Variants in PPFIA3 observed in about 807,000 individuals in gnomAD.
PPFIA3 encodes the protein liprin-alpha-3.
PPFIA3 carries 26 observed loss-of-function variants against 145.8 expected under a neutral mutation model. The observed-to-expected ratio is 0.18, with a 90% CI of 0.13 to 0.25. The LOEUF is 0.25. PPFIA3 is among the 10% of genes least tolerant of loss of function. The pLI is 1.00. For synonymous variants in PPFIA3, 645 were observed against 661.4 expected, an observed-to-expected ratio of 0.98 and a Z score of 0.38; for missense variants, 1,008 against 1,587.8, an observed-to-expected ratio of 0.63 and a Z score of 6.21.
chr19:49,145,179 G>A (rs527742883), intron 21 of PPFIA3, among the ~76,000 whole-genome samples: 2 of 151,922 alleles, frequency 1.3e-5, no homozygotes, highest in Admixed American at 6.6e-5. Flanking sequence ...TGATCCACCC[G>A]CCTCTGCCTC....
intron 24 of PPFIA3, 63 bp from the exon 25 acceptor site, chr19:49,148,603 G>C: frequency 7.6e-7 from 1 of 1,319,618 alleles, no homozygotes; most frequent in South Asian, 1.2e-5. Flanking sequence ...GGAGGGACCC[G>C]TAGGAGCAGC....
chr19:49,137,018 C>A, intron 15 of PPFIA3, 107 bp downstream of exon 15: 1 of 1,098,048 alleles, frequency 9.1e-7, no homozygotes, highest in Non-Finnish European at 1.2e-6. Context: ...CTTACACCAT[C>A]CACAAGGAAT....
At position 49,130,323 on chromosome 19, in the gene PPFIA3, C is replaced by T; in HGVS notation, c.658-55C>T. The stretch of plus-strand genomic sequence containing the variant: ...GCTGATTGACTTTCTCCTTGGATTT[C>T]CTCTGTGTCTCCGGAGACACTCTGG... On this transcript the variant is annotated intron_variant, in intron 6 of 29. Coordinates refer to ENST00000334186, the MANE Select transcript of PPFIA3 (RefSeq NM_003660.4). The surrounding 1 kb of genome is among the most constrained non-coding windows in gnomAD (Gnocchi z 4.5). 1 of 1,467,132 alleles carries T rather than the reference C, an allele frequency of 6.8e-7. No individual in the cohort carries two copies. Among genetic ancestry groups the T allele is most frequent in the Non-Finnish European group, 9.2e-7 (1 of 1,082,988 alleles). The allele number at this position is 1,467,132 out of a possible 1,614,324, so 90.9% of individuals were successfully genotyped here. A position where few individuals can be genotyped will look rare whatever the true frequency, so the allele number is the denominator to read the frequency against.
rs199896512 is a variant in PPFIA3, at chr19:49,148,700, C to T, written c.3046C>T (p.Arg1016Trp). 5 of 1,614,028 alleles carry T rather than the reference C, an allele frequency of 3.1e-6. No individual in the cohort carries two copies. The highest frequency in any genetic ancestry group is 1.3e-5 in the African/African-American group (1 of 75,022). Residue 1016 changes from arginine (R) to tryptophan (W), a missense_variant, in exon 25 of 30, where the codon CGG (arginine) becomes TGG (tryptophan). Arg to Trp is a moderately radical substitution (Grantham distance 101, BLOSUM62 -3). Coordinates refer to ENST00000334186, the MANE Select transcript of PPFIA3 (RefSeq NM_003660.4). The stretch of plus-strand genomic sequence containing the variant: ...ACATTATGGGATTATGTGCCTGAAA[C>T]GGCTCAACTATGACCGGAAGGACCT... ...SLHYGIMCLK[R>W]LNYDRKDLER...
At chr19:49,134,249 A>C in intron 11 of PPFIA3, 84 bp downstream of exon 11, 1 of 1,510,644 alleles carries the variant, frequency 6.6e-7, no homozygotes, top group South Asian at 1.3e-5. Context: ...CCTTTCCCTC[A>C]GATCTGTTAT....
chr19:49,136,006 G>A (rs1311997893), intron 14 of PPFIA3, 83 bp downstream of exon 14: 21 of 1,390,732 alleles, frequency 1.5e-5, no homozygotes, highest in Admixed American at 5.8e-5. Flanking sequence ...GTGGGGCTCC[G>A]GGAGGAAGCT....
At chr19:49,127,080 CAAA>C (rs11304397) in intron 1 of PPFIA3, among the ~76,000 whole-genome samples, 1 of 69,860 alleles carries the variant, frequency 1.4e-5, no homozygotes, top group Admixed American at 1.7e-4. Flanking sequence ...CTCATCTCCA[CAAA>C]AAAAAAAAAA....
chr19:49,135,702 G>T (rs778050475), intron 13 of PPFIA3, 77 bp from the exon 14 acceptor site: 16 of 1,449,102 alleles, frequency 1.1e-5, no homozygotes, highest in Non-Finnish European at 1.3e-5. Flanking sequence ...CCTGGCCCTA[G>T]GTCTGTCTCT....
At chr19:49,135,080 C>T (rs963530109) in intron 13 of PPFIA3, among the ~76,000 whole-genome samples, 165 bp downstream of exon 13, 2 of 151,944 alleles carry the variant, frequency 1.3e-5, no homozygotes, top group African/African-American at 4.8e-5. Flanking sequence ...CTCACTCTGT[C>T]GCCCAGGCTG....
At chr19:49,129,519 G>A in intron 5 of PPFIA3, 65 bp downstream of exon 5, 1 of 1,514,262 alleles carries the variant, frequency 6.6e-7, no homozygotes, top group East Asian at 2.5e-5. Flanking sequence ...TGCCCACGGG[G>A]CGGAGCCGGT....
At chr19:49,147,288 A>G (rs4566285) in intron 23 of PPFIA3, among the ~76,000 whole-genome samples, 131,316 of 152,102 alleles carry the variant, frequency 0.86, 56,820 homozygotes, top group East Asian at 0.98. Context: ...GGGGTGGCAC[A>G]CACCTGTAGT....
At position 49,130,537 on chromosome 19, in the gene PPFIA3, G is replaced by A. The variant is rs1013294744; in HGVS notation, c.817G>A (p.Ala273Thr). 1.3e-6 allele frequency: 2 copies of A among 1,580,260 alleles called. No individual in the cohort carries two copies. Among genetic ancestry groups the A allele is most frequent in the Non-Finnish European group, 1.7e-6 (2 of 1,164,014 alleles). ...CCAGCTGGAGGAGGAGTTGGGCACCGCGCACCGTGAGCTGGGCAAGGCAGA... is the reference window on the plus strand; with the variant it reads ...CCAGCTGGAGGAGGAGTTGGGCACCACGCACCGTGAGCTGGGCAAGGCAGA... Reference protein sequence around the residue: ...MSQLEEELGTAHRELGKAEEA... With the variant: ...MSQLEEELGTTHRELGKAEEA... The change falls in exon 7 of 30, where the codon GCG becomes ACG. Residue 273 changes from alanine (A) to threonine (T), a missense_variant. Around this residue, in one of 11 missense-constraint regions of PPFIA3, gnomAD observed 136 missense variants for 160.7 expected, o/e 0.85. Transcript: ENST00000334186. This position sits in a 1 kb window ranked among gnomAD's most constrained non-coding sequence, Gnocchi z 4.5.
At chr19:49,146,473 C>T (rs1227548196) in intron 23 of PPFIA3, 7 of 545,136 alleles carry the variant, frequency 1.3e-5, no homozygotes, top group South Asian at 1.1e-4. Context: ...AATTCTGTAG[C>T]TCAGGAGAGA....
chr19:49,132,395 A>AAG (rs2041085467), intron 7 of PPFIA3, among the ~76,000 whole-genome samples: 1 of 144,392 alleles, frequency 6.9e-6, no homozygotes, highest in South Asian at 2.2e-4. Context: ...TCTCTCAAAA[A>AAG]AAAAAAAAAA....
intron 21 of PPFIA3, among the ~76,000 whole-genome samples, chr19:49,145,105 A>G (rs1191341958): frequency 6.6e-6 from 1 of 151,644 alleles, no homozygotes; most frequent in Admixed American, 6.6e-5. Context: ...TAATTTTTGT[A>G]TTTTTAGTAG....
At chr19:49,124,145 T>C (rs746572710) in intron 1 of PPFIA3, among the ~76,000 whole-genome samples, 3 of 152,166 alleles carry the variant, frequency 2.0e-5, no homozygotes, top group Non-Finnish European at 2.9e-5. Flanking sequence ...TCCTGCTATA[T>C]TCTTTTTTAA....
rs1178527051 is a variant in PPFIA3, at chr19:49,128,665, TTTCTC to T, written c.343-180_343-176del. The T allele has an allele frequency of 1.2e-4, 92 of 756,390 alleles. 1 individual carries two copies. Among genetic ancestry groups the T allele is most frequent in the Middle Eastern group, 4.8e-4 (2 of 4,178 alleles). 46.9% of individuals were successfully genotyped at this position (756,390 alleles called of 1,614,324 possible). On this transcript the variant is annotated intron_variant, in intron 3 of 29. Transcript: ENST00000334186. This position sits in a 1 kb window ranked among gnomAD's most constrained non-coding sequence, Gnocchi z 4.1. ...CTCCTTCCTCCCTGTCTCCATAACT[TTTCTC>T]TTTTCTGTACCACCGGTTCCTTGAC...
chr19:49,141,330 C>A, intron 18 of PPFIA3, 90 bp from the exon 19 acceptor site: 1 of 976,088 alleles, frequency 1.0e-6, no homozygotes, highest in Non-Finnish European at 1.6e-6. Flanking sequence ...AGGGCCTCTG[C>A]CTTTCCGGCA....
At chr19:49,140,665 T>G (rs1410314457) in intron 18 of PPFIA3, among the ~76,000 whole-genome samples, 10 of 134,520 alleles carry the variant, frequency 7.4e-5, no homozygotes, top group African/African-American at 3.0e-4. Flanking sequence ...TTTTTTTTTT[T>G]TTGTTTGGAG....
Sources: allele counts gnomAD v4.1 joint callset (sites outside exome capture counted in the v4.1 genomes callset), GRCh38; gene constraint gnomAD v4.1.1; regional missense constraint gnomAD v4.1.1; non-coding constraint Gnocchi (gnomAD v3.1); transcripts MANE v1.5; gene names NCBI Gene and HGNC (gene_info 2026-07-23, HGNC 2026-07-21).